Variants in SCAI observed in about 807,000 individuals in gnomAD.
The protein encoded by SCAI is protein SCAI.
SCAI carries 24 observed loss-of-function variants against 92.2 expected under a neutral mutation model. That is an observed-to-expected ratio of 0.26 (90% CI 0.19 to 0.37). The LOEUF is 0.37. Ranked by LOEUF, SCAI falls within the 10% of genes least tolerant of loss-of-function variation. The pLI is 1.00. For synonymous variants in SCAI, 261 were observed against 258.6 expected, an observed-to-expected ratio of 1.01 and a Z score of -0.09; for missense variants, 450 against 736.2, an observed-to-expected ratio of 0.61 and a Z score of 4.50.
chr9:124,973,342 C>A (rs868019133), intron 15 of SCAI, among the ~76,000 whole-genome samples: 1 of 152,198 alleles, frequency 6.6e-6, no homozygotes, highest in African/African-American at 2.4e-5. Flanking sequence ...CTTAGAAATT[C>A]TTTCACAATT....
chr9:125,038,721 G>C (rs187604068), intron 3 of SCAI, among the ~76,000 whole-genome samples: 1 of 152,178 alleles, frequency 6.6e-6, no homozygotes, highest in Non-Finnish European at 1.5e-5. Context: ...AGTTCTTCCT[G>C]AATATCACTA....
intron 17 of SCAI, among the ~76,000 whole-genome samples, chr9:124,953,656 G>A (rs1831268647): frequency 1.3e-5 from 2 of 151,318 alleles, no homozygotes; most frequent in Admixed American, 6.6e-5. Flanking sequence ...CAGGTGATCT[G>A]CCCGCCTCAG....
intron 2 of SCAI, among the ~76,000 whole-genome samples, chr9:125,110,620 A>G (rs964195748): frequency 6.6e-6 from 1 of 151,684 alleles, no homozygotes; most frequent in African/African-American, 2.4e-5. Flanking sequence ...TTGCCTCCCC[A>G]CTCTCTTGCT....
chr9:125,058,847 G>C (rs747730872), intron 2 of SCAI, among the ~76,000 whole-genome samples: 2 of 152,164 alleles, frequency 1.3e-5, no homozygotes, highest in African/African-American at 4.8e-5. Context: ...AGTGCTCAAG[G>C]AATGCTAAAG....
chr9:124,977,953 A>G (rs572325819), intron 14 of SCAI, among the ~76,000 whole-genome samples: 1 of 152,296 alleles, frequency 6.6e-6, no homozygotes, highest in East Asian at 1.9e-4. Flanking sequence ...TTAAATAATA[A>G]AAGTGGTGAA....
In SCAI at chr9:125,098,840, T is replaced by C. The variant is rs750394851; in HGVS notation, c.99-42833A>G. ...TAGTACTGGAGATGTTTTGTTGTTGTTGTTTTAGCCGAAGTCAGATAATTC... is the reference window on the plus strand; with the variant it reads ...TAGTACTGGAGATGTTTTGTTGTTGCTGTTTTAGCCGAAGTCAGATAATTC... On this transcript the variant is annotated intron_variant, in intron 2 of 17. Coordinates refer to ENST00000336505, the MANE Select transcript of SCAI (RefSeq NM_001144877.3). Among the ~76,000 whole-genome samples, 14 of 152,204 alleles carry C rather than the reference T, an allele frequency of 9.2e-5. No individual in the cohort carries two copies. In the South Asian group the frequency reaches 1.2e-3, roughly 14 times the overall value.
intron 2 of SCAI, among the ~76,000 whole-genome samples, chr9:125,095,760 G>A (rs533179282): frequency 1.8e-4 from 27 of 152,180 alleles, no homozygotes; most frequent in Non-Finnish European, 2.8e-4. Flanking sequence ...CTTGGACCAC[G>A]TGGATGTGGG....
intron 9 of SCAI, among the ~76,000 whole-genome samples, chr9:125,014,719 G>A (rs1442220991): frequency 5.3e-5 from 8 of 151,992 alleles, no homozygotes; most frequent in East Asian, 1.9e-4. Context: ...AGCCCGCATC[G>A]CCAAGTCAAT....
At chr9:125,103,631 A>G (rs1834722166) in intron 2 of SCAI, among the ~76,000 whole-genome samples, 1 of 152,196 alleles carries the variant, frequency 6.6e-6, no homozygotes, top group Non-Finnish European at 1.5e-5. Context: ...TTTCTTACAC[A>G]GCTAGTAAAT....
intron 17 of SCAI, chr9:124,968,915 T>A: frequency 1.5e-5 from 6 of 411,354 alleles, no homozygotes; most frequent in African/African-American, 2.1e-5. Flanking sequence ...CTGTAGGAAA[T>A]CTCCAAAATT....
At chr9:125,088,700 ACTCATGGGCTCAAGCAATCCT>A (rs1263499054) in intron 2 of SCAI, among the ~76,000 whole-genome samples, 4 of 151,904 alleles carry the variant, frequency 2.6e-5, no homozygotes, top group Non-Finnish European at 5.9e-5. Flanking sequence ...CTGGTCTTGA[ACTCATGGGCTCAAGCAATCCT>A]CATACCTTGG....
At chr9:125,008,497 T>A (rs1441009543) in intron 9 of SCAI, among the ~76,000 whole-genome samples, 5 of 151,944 alleles carry the variant, frequency 3.3e-5, no homozygotes, top group Non-Finnish European at 5.9e-5. Flanking sequence ...GAAAAAAAAA[T>A]TTAATCTATA....
intron 9 of SCAI, among the ~76,000 whole-genome samples, chr9:125,012,381 C>T (rs1832657707): frequency 6.6e-6 from 1 of 152,002 alleles, no homozygotes; most frequent in Admixed American, 6.6e-5. Flanking sequence ...GGGTTGCAAT[C>T]CTAGTCTCTG....
intron 2 of SCAI, among the ~76,000 whole-genome samples, chr9:125,108,488 C>T (rs1022932114): frequency 1.3e-5 from 2 of 151,896 alleles, no homozygotes; most frequent in African/African-American, 4.8e-5. Flanking sequence ...CCCGCCGCCC[C>T]GTCTGGGATG....
chr9:125,109,450 T>C (rs1045814884), intron 2 of SCAI, among the ~76,000 whole-genome samples: 1 of 152,098 alleles, frequency 6.6e-6, no homozygotes, highest in Non-Finnish European at 1.5e-5. Flanking sequence ...ATGTATTTAA[T>C]AAAACACCAA....
At chr9:125,140,727 C>T (rs1228516957) in intron 2 of SCAI, among the ~76,000 whole-genome samples, 2 of 147,540 alleles carry the variant, frequency 1.4e-5, no homozygotes, top group African/African-American at 5.0e-5. Flanking sequence ...GGTGAGGTGT[C>T]AGGCGCTTGT....
At chr9:124,976,072 T>C (rs1486162235) in intron 15 of SCAI, 42 bp downstream of exon 15, 2 of 1,266,742 alleles carry the variant, frequency 1.6e-6, no homozygotes, top group African/African-American at 1.5e-5. Context: ...AGATAGTGTT[T>C]ATTTGCAACC....
chr9:125,049,563 T>G (rs1833514524), intron 3 of SCAI, among the ~76,000 whole-genome samples: 1 of 152,228 alleles, frequency 6.6e-6, no homozygotes, highest in Non-Finnish European at 1.5e-5. Flanking sequence ...CAATTCTTAT[T>G]TTTCTGGATT....
At chr9:125,077,661 T>C (rs759727921) in intron 2 of SCAI, among the ~76,000 whole-genome samples, 10 of 152,214 alleles carry the variant, frequency 6.6e-5, no homozygotes, top group South Asian at 2.1e-4. Context: ...TCTGTGTTTA[T>C]TGGGGCTTTG....
Sources: allele counts gnomAD v4.1 joint callset (sites outside exome capture counted in the v4.1 genomes callset), GRCh38; gene constraint gnomAD v4.1.1; transcripts MANE v1.5; gene names NCBI Gene and HGNC (gene_info 2026-07-23, HGNC 2026-07-21).